Variants in TIA1 observed in about 807,000 individuals in gnomAD.
TIA1 encodes the protein TIA1 cytotoxic granule associated RNA binding protein, also known as cytotoxic granule associated RNA binding protein TIA1.
Under a neutral mutation model 65.9 loss-of-function variants are expected in TIA1, and 23 were observed. The observed-to-expected ratio is 0.35, with a 90% CI of 0.25 to 0.49. TIA1 has a LOEUF of 0.49. Among genes scored for constraint, TIA1 ranks in the 20% least tolerant of loss-of-function variants. TIA1 has a pLI of 0.98. For synonymous variants in TIA1, 147 were observed against 149.4 expected (o/e 0.98, Z 0.12); for missense variants, 371 against 477.9 (o/e 0.78, Z 2.09).
Position 70,232,219 on chromosome 2 carries a change from AAAAAAAG to A in TIA1, c.124-1372_124-1366del, listed in dbSNP as rs1553447437. Among the ~76,000 whole-genome samples the A allele has an allele frequency of 1.8e-4, 27 of 146,688 alleles. No homozygotes were observed. The East Asian group carries it at 2.2e-3, about 12-fold the overall frequency. ...GCGAGACTCTGTCTCAAAAAAAAAA[AAAAAAAG>A]AAAAAAGAAAAAAGAAAAAAAATTA... On this transcript the variant is annotated intron_variant, in intron 2 of 12. Transcript: ENST00000433529.
intron 2 of TIA1, among the ~76,000 whole-genome samples, chr2:70,235,381 T>G (rs937243631): frequency 6.6e-6 from 1 of 152,092 alleles, no homozygotes; most frequent in Non-Finnish European, 1.5e-5. Context: ...CACCATTGTA[T>G]TCCAGCCTGG....
intron 11 of TIA1, 148 bp downstream of exon 11, chr2:70,215,223 C>T (rs928410928): frequency 2.0e-6 from 2 of 979,624 alleles, no homozygotes; most frequent in African/African-American, 3.3e-5. Flanking sequence ...CCATGAAACA[C>T]CATTCTGGAA....
chr2:70,231,704 T>C (rs1023434638), intron 2 of TIA1, among the ~76,000 whole-genome samples: 4 of 152,214 alleles, frequency 2.6e-5, no homozygotes, highest in African/African-American at 2.4e-5. Flanking sequence ...AGTTACTTTT[T>C]ACTGCTACAA....
At chr2:70,229,196 A>G in intron 4 of TIA1, 68 bp downstream of exon 4, 1 of 1,595,762 alleles carries the variant, frequency 6.3e-7, no homozygotes, top group Non-Finnish European at 8.6e-7. Flanking sequence ...TATGATGTTT[A>G]TAGGCTTTAC....
At chr2:70,217,065 A>C in intron 7 of TIA1, 71 bp from the exon 8 acceptor site, 1 of 1,451,216 alleles carries the variant, frequency 6.9e-7, no homozygotes, top group Admixed American at 2.5e-5. Flanking sequence ...TTAGCAGTAG[A>C]GAAAACTTGG....
At chr2:70,222,152 A>C (rs60768759) in intron 7 of TIA1, among the ~76,000 whole-genome samples, 3,010 of 151,932 alleles carry the variant, frequency 0.02, 106 homozygotes, top group African/African-American at 0.067. Flanking sequence ...AACAAACAAA[A>C]AAAAAACAAT....
At chr2:70,226,447 T>G (rs1221438314) in intron 6 of TIA1, among the ~76,000 whole-genome samples, 2 of 152,182 alleles carry the variant, frequency 1.3e-5, no homozygotes, top group African/African-American at 2.4e-5. Flanking sequence ...TCTTAAAGTT[T>G]CAGAAAATGT....
intron 1 of TIA1, 64 bp from the exon 2 acceptor site, chr2:70,236,239 C>T: frequency 9.0e-7 from 1 of 1,114,930 alleles, no homozygotes; most frequent in Non-Finnish European, 1.3e-6. Flanking sequence ...ACTCTTGTTG[C>T]CCAGGATAGA....
At chr2:70,218,219 A>G (rs917551970) in intron 7 of TIA1, among the ~76,000 whole-genome samples, 1 of 152,278 alleles carries the variant, frequency 6.6e-6, no homozygotes, top group Non-Finnish European at 1.5e-5. Flanking sequence ...TAAGCCTGAC[A>G]GCAATAGGAG....
rs34811225 is a variant in TIA1 at position 70,219,758 on chromosome 2, T to TA, written c.475-2765dup. On this transcript the variant is annotated intron_variant, in intron 7 of 12. Coordinates refer to ENST00000433529, the MANE Select transcript of TIA1 (RefSeq NM_022173.4). ...CCAGGCTTTTTTTTTTTTTTTTTTT[T>TA]AATGGAGACAGGGTCTTGCTGTTGC... 1.0e-3 allele frequency among the ~76,000 whole-genome samples: 152 copies of TA among 149,254 alleles called. 1 individual carries two copies. Among genetic ancestry groups the TA allele is most frequent in the South Asian group, 6.6e-3 (31 of 4,716 alleles).
intron 1 of TIA1, among the ~76,000 whole-genome samples, chr2:70,243,052 A>G (rs1354689831): frequency 6.6e-6 from 1 of 152,208 alleles, no homozygotes; most frequent in Admixed American, 6.5e-5. Context: ...ACTTCTGAAC[A>G]TTTGCAATTT....
chr2:70,224,342 C>T (rs1352676373), intron 7 of TIA1: 3 of 565,692 alleles, frequency 5.3e-6, no homozygotes, highest in Admixed American at 6.5e-5. Context: ...AACAACTTTA[C>T]TTTCTACATT....
intron 1 of TIA1, among the ~76,000 whole-genome samples, chr2:70,246,869 G>A (rs1264659000): frequency 6.6e-6 from 1 of 152,032 alleles, no homozygotes; most frequent in Admixed American, 6.6e-5. Context: ...CTTGCAGCCT[G>A]GGTGACAAAG....
intron 1 of TIA1, among the ~76,000 whole-genome samples, chr2:70,236,539 T>C (rs1689038783): frequency 6.6e-6 from 1 of 151,936 alleles, no homozygotes; most frequent in Non-Finnish European, 1.5e-5. Flanking sequence ...TTGCTCAGGC[T>C]GCTCTCAAAC....
chr2:70,248,576 A>T lies in TIA1; in HGVS notation c.-146T>A. 1 of 1,177,206 alleles carries T rather than the reference A, an allele frequency of 8.5e-7. No homozygotes were observed. Among genetic ancestry groups the T allele is most frequent in the Non-Finnish European group, 1.2e-6 (1 of 817,988 alleles). The allele number at this position is 1,177,206 out of a possible 1,614,324, so 72.9% of individuals were successfully genotyped here. A position where few individuals can be genotyped will look rare whatever the true frequency, so the allele number is the denominator to read the frequency against. ...CGCCTCCTCCTCCGGCGGCAATTAC[A>T]CTAAACCGCCCGGCCCAGCGGGAAC... is the stretch of plus-strand genomic sequence containing the variant. On this transcript the variant is annotated 5_prime_UTR_variant, in exon 1 of 13. Transcript: ENST00000433529.
Position 70,216,413 on chromosome 2 carries a change from C to A in TIA1, c.670G>T (p.Gly224Trp). 1 of 1,612,008 alleles carries A rather than the reference C, an allele frequency of 6.2e-7. No individual in the cohort carries two copies. Among genetic ancestry groups the A allele is most frequent in the Non-Finnish European group, 8.5e-7 (1 of 1,179,336 alleles). Residue 224 changes from glycine to tryptophan, a missense_variant, in exon 9 of 13, where the codon GGG becomes TGG. Transcript: ENST00000433529. ...CTVYCGGVTS[G>W]LTEQLMRQTF... Reference sequence around the variant, plus strand: ...GGGAAGGCTCCCATACCTGTTAGCCCAGAAGTAACACCTCCACAGTATACA... The same window carrying A: ...GGGAAGGCTCCCATACCTGTTAGCCAAGAAGTAACACCTCCACAGTATACA...
chr2:70,230,967 A>G (rs539135551), intron 2 of TIA1, 113 bp from the exon 3 acceptor site: 10 of 702,328 alleles, frequency 1.4e-5, no homozygotes, highest in South Asian at 5.9e-5. Flanking sequence ...TTATCAGGCC[A>G]TGGAGAATGA....
intron 1 of TIA1, among the ~76,000 whole-genome samples, chr2:70,239,436 A>C (rs1690693040): frequency 2.0e-5 from 3 of 152,066 alleles, no homozygotes; most frequent in Admixed American, 2.0e-4. Flanking sequence ...TTTTGAGATG[A>C]GATTACCTCT....
intron 2 of TIA1, 94 bp from the exon 3 acceptor site, chr2:70,230,948 A>G: frequency 1.2e-6 from 1 of 858,640 alleles, no homozygotes; most frequent in East Asian, 2.6e-5. Flanking sequence ...CAAGTTTTAT[A>G]CATCTAAGTT....
Sources: allele counts gnomAD v4.1 joint callset (sites outside exome capture counted in the v4.1 genomes callset), GRCh38; gene constraint gnomAD v4.1.1; transcripts MANE v1.5; gene names NCBI Gene and HGNC (gene_info 2026-07-23, HGNC 2026-07-21).